CDH12: variants seen among roughly 807,000 people sequenced by gnomAD.
The protein encoded by CDH12 is cadherin-12.
In CDH12, 41 loss-of-function variants were observed where a neutral mutation model predicts 74.1. That is an observed-to-expected ratio of 0.55 (90% CI 0.43 to 0.72). CDH12 has a LOEUF of 0.72. Among genes scored for constraint, CDH12 ranks in the 30% least tolerant of loss-of-function variants. The pLI is 0.00. For missense variants in CDH12, 945 were observed against 977.2 expected (o/e 0.97, Z 0.44); for synonymous variants, 399 against 355.0 (o/e 1.12, Z -1.39).
intron 6 of CDH12, among the ~76,000 whole-genome samples, chr5:21,877,622 C>T (rs1356871264): frequency 1.3e-5 from 2 of 152,164 alleles, no homozygotes; most frequent in East Asian, 1.9e-4. Context: ...GTTACAATAT[C>T]GATATCCCAT....
chr5:22,418,681 C>T (rs919436085), intron 2 of CDH12, among the ~76,000 whole-genome samples: 23 of 152,122 alleles, frequency 1.5e-4, no homozygotes, highest in African/African-American at 4.3e-4. Flanking sequence ...GTCAGGAATT[C>T]GAGACCAGCC....
chr5:22,159,677 C>T (rs564543394), intron 4 of CDH12, among the ~76,000 whole-genome samples: 107 of 152,252 alleles, frequency 7.0e-4, no homozygotes, highest in Non-Finnish European at 1.0e-3. Context: ...AAACTCACTT[C>T]GGTTTTTACC....
At chr5:22,006,933 G>A (rs894989827) in intron 5 of CDH12, among the ~76,000 whole-genome samples, 3 of 151,736 alleles carry the variant, frequency 2.0e-5, no homozygotes, top group African/African-American at 4.8e-5. Flanking sequence ...TAAATAATAC[G>A]AGTCATTTCC....
intron 2 of CDH12, among the ~76,000 whole-genome samples, chr5:22,437,219 TAAA>T (rs1744433567): frequency 7.2e-5 from 11 of 151,936 alleles, no homozygotes; most frequent in African/African-American, 2.7e-4. Flanking sequence ...TGTTTTTACC[TAAA>T]TTAAATATAC....
chr5:22,337,336 C>A (rs1561324011), intron 3 of CDH12, among the ~76,000 whole-genome samples: 1 of 152,026 alleles, frequency 6.6e-6, no homozygotes. Flanking sequence ...ATTAGGAAGG[C>A]ATGATTGGTT....
intron 1 of CDH12, among the ~76,000 whole-genome samples, chr5:22,746,507 T>C (rs192176725): frequency 1.4e-4 from 21 of 152,292 alleles, no homozygotes; most frequent in Admixed American, 1.4e-3. Flanking sequence ...TTATTGTGAT[T>C]GTTTGTGTTT....
intron 1 of CDH12, among the ~76,000 whole-genome samples, chr5:22,832,331 A>G (rs1016562962): frequency 6.6e-6 from 1 of 152,208 alleles, no homozygotes; most frequent in Non-Finnish European, 1.5e-5. Flanking sequence ...AACGTTAGCC[A>G]ATATATCTGT....
At chr5:21,867,394 C>A (rs1054443853) in intron 6 of CDH12, among the ~76,000 whole-genome samples, 1 of 152,042 alleles carries the variant, frequency 6.6e-6, no homozygotes. Flanking sequence ...GCTTGGGAAC[C>A]TCTGCCTAGA....
At chr5:22,317,130 C>T (rs1738666764) in intron 3 of CDH12, among the ~76,000 whole-genome samples, 1 of 152,030 alleles carries the variant, frequency 6.6e-6, no homozygotes, top group African/African-American at 2.4e-5. Flanking sequence ...CCAGCCTGGC[C>T]AACACGGTGA....
At chr5:22,425,691 T>A (rs1145540) in intron 2 of CDH12, among the ~76,000 whole-genome samples, 142,126 of 151,754 alleles carry the variant, frequency 0.94, 66,698 homozygotes, top group African/African-American at 0.98. Context: ...CTTTCTTAAT[T>A]TATATTACTT....
chr5:22,206,679 C>CAAAAAAAAAAAAAA (rs71609754), intron 4 of CDH12, among the ~76,000 whole-genome samples: 1 of 55,282 alleles, frequency 1.8e-5, no homozygotes, highest in Non-Finnish European at 3.1e-5. Flanking sequence ...GATTCCACTG[C>CAAAAAAAAAAAAAA]AAAAAAAAAA....
At chr5:22,582,108 CTT>C (rs1192651871) in intron 1 of CDH12, among the ~76,000 whole-genome samples, 1 of 152,166 alleles carries the variant, frequency 6.6e-6, no homozygotes, top group African/African-American at 2.4e-5. Flanking sequence ...ATATGTCAGA[CTT>C]TGGGAGCATC....
At chr5:21,774,012 G>A (rs1227083528) in intron 11 of CDH12, among the ~76,000 whole-genome samples, 1 of 152,136 alleles carries the variant, frequency 6.6e-6, no homozygotes, top group Non-Finnish European at 1.5e-5. Context: ...CAGGAGATGT[G>A]TGTGGGTTCA....
chr5:22,342,576 CTCCA>C (rs1739903672), intron 3 of CDH12, among the ~76,000 whole-genome samples: 1 of 119,918 alleles, frequency 8.3e-6, no homozygotes, highest in Non-Finnish European at 1.9e-5. Flanking sequence ...CCCTCCCTCC[CTCCA>C]TCCTTCCTTC....
chr5:21,795,709 A>G (rs928155308), intron 10 of CDH12, among the ~76,000 whole-genome samples: 5 of 151,978 alleles, frequency 3.3e-5, no homozygotes, highest in Non-Finnish European at 7.4e-5. Flanking sequence ...ATTTAATAGA[A>G]GTTATACATA....
chr5:22,658,586 CT>C (rs995425947), intron 1 of CDH12, among the ~76,000 whole-genome samples: 1 of 152,010 alleles, frequency 6.6e-6, no homozygotes, highest in Admixed American at 6.6e-5. Context: ...CTACATTTTA[CT>C]TTTTGCTTGT....
intron 1 of CDH12, among the ~76,000 whole-genome samples, chr5:22,572,829 T>A (rs1739605857): frequency 6.6e-6 from 1 of 152,132 alleles, no homozygotes; most frequent in Non-Finnish European, 1.5e-5. Context: ...TTTAGACAAA[T>A]CCAGAAGTAG....
chr5:22,414,470 T>C (rs1392976582), intron 2 of CDH12, among the ~76,000 whole-genome samples: 4 of 152,002 alleles, frequency 2.6e-5, no homozygotes, highest in African/African-American at 9.6e-5. Context: ...CATATTTCTA[T>C]ACAATAATTG....
At chr5:22,012,101 T>C (rs1178192846) in intron 5 of CDH12, among the ~76,000 whole-genome samples, 1 of 150,698 alleles carries the variant, frequency 6.6e-6, no homozygotes. Flanking sequence ...TTTCTGAAAA[T>C]TTTCTTTAAT....
Sources: allele counts gnomAD v4.1 joint callset (sites outside exome capture counted in the v4.1 genomes callset), GRCh38; gene constraint gnomAD v4.1.1; transcripts MANE v1.5; gene names NCBI Gene and HGNC (gene_info 2026-07-23, HGNC 2026-07-21).